The following GALNT13 variants were observed in gnomAD, a reference collection of about 807,000 sequenced individuals.
GALNT13 encodes the protein polypeptide N-acetylgalactosaminyltransferase 13.
GALNT13 carries 28 observed loss-of-function variants against 64.2 expected under a neutral mutation model. The ratio of observed to expected loss-of-function variants is 0.44; its 90% CI spans 0.32 to 0.60. The LOEUF (loss-of-function observed/expected upper bound fraction) is 0.60, where lower values mean the gene tolerates loss of function less well. Ranked by LOEUF, GALNT13 falls within the 20% of genes least tolerant of loss-of-function variation. The probability of loss-of-function intolerance (pLI) is 0.05; values close to 1 mark genes in which losing one functional copy is unlikely to be tolerated. For synonymous variants in GALNT13, 214 were observed against 224.6 expected (o/e 0.95, Z 0.42); for missense variants, 577 against 669.8 (o/e 0.86, Z 1.53).
At chr2:153,152,006 T>C in the GALNT13 span, among the ~76,000 whole-genome samples, 3 of 151,894 alleles carry the variant, frequency 2.0e-5, no homozygotes, top group Non-Finnish European at 4.4e-5. Context: ...ACCTATAAAA[T>C]GTTGGCCAAC....
chr2:153,664,644 T>A, the GALNT13 span, among the ~76,000 whole-genome samples: 11 of 152,322 alleles, frequency 7.2e-5, no homozygotes, highest in South Asian at 2.3e-3. Flanking sequence ...ATCTTCATAA[T>A]TTATGTTCAG....
chr2:153,818,247 C>T, the GALNT13 span, among the ~76,000 whole-genome samples: 1 of 152,176 alleles, frequency 6.6e-6, no homozygotes. Flanking sequence ...AAGAAAGCCA[C>T]CTGGAGTCTT....
the GALNT13 span, among the ~76,000 whole-genome samples, chr2:153,854,997 G>T: frequency 2.6e-5 from 4 of 152,000 alleles, no homozygotes; most frequent in African/African-American, 9.7e-5. Context: ...ATGAGCCAAC[G>T]TGTATATAAA....
chr2:153,377,412 C>A, the GALNT13 span, among the ~76,000 whole-genome samples: 2 of 152,146 alleles, frequency 1.3e-5, no homozygotes, highest in South Asian at 4.1e-4. Context: ...GGGGTGGGGC[C>A]TAGCAAGAGG....
At chr2:153,266,902 C>T in the GALNT13 span, among the ~76,000 whole-genome samples, 1 of 152,170 alleles carries the variant, frequency 6.6e-6, no homozygotes, top group African/African-American at 2.4e-5. Context: ...AGTCCAAGTC[C>T]AAAGTCTCAT....
chr2:154,386,791 C>T (rs1424265819), intron 9 of GALNT13, among the ~76,000 whole-genome samples: 1 of 151,942 alleles, frequency 6.6e-6, no homozygotes, highest in East Asian at 1.9e-4. Context: ...TTTCTTATTT[C>T]CCATATTCTC....
intron 8 of GALNT13, among the ~76,000 whole-genome samples, chr2:154,279,492 T>A (rs901653308): frequency 3.3e-5 from 5 of 152,162 alleles, no homozygotes; most frequent in African/African-American, 1.2e-4. Flanking sequence ...TATATGGAGC[T>A]TGATAACAGG....
At chr2:153,622,799 T>C in the GALNT13 span, among the ~76,000 whole-genome samples, 1 of 152,138 alleles carries the variant, frequency 6.6e-6, no homozygotes, top group South Asian at 2.1e-4. Context: ...CTGGTAACTA[T>C]GTTTTGCTTT....
intron 3 of GALNT13, among the ~76,000 whole-genome samples, chr2:153,966,573 T>C (rs1446299126): frequency 6.6e-6 from 1 of 152,048 alleles, no homozygotes; most frequent in Non-Finnish European, 1.5e-5. Context: ...TCTCACCGTG[T>C]TACCCAGGAT....
At chr2:153,530,649 A>G in the GALNT13 span, among the ~76,000 whole-genome samples, 9 of 152,152 alleles carry the variant, frequency 5.9e-5, no homozygotes, top group Non-Finnish European at 1.3e-4. Context: ...ACCAAACAGC[A>G]TGGTACTGGC....
chr2:153,272,257 C>A, the GALNT13 span, among the ~76,000 whole-genome samples: 1 of 152,094 alleles, frequency 6.6e-6, no homozygotes, highest in Admixed American at 6.5e-5. Context: ...CCAAAATAGA[C>A]AAATGGGATC....
intron 3 of GALNT13, among the ~76,000 whole-genome samples, chr2:154,089,812 C>CA (rs747595555): frequency 7.1e-6 from 1 of 140,992 alleles, no homozygotes; most frequent in Non-Finnish European, 1.5e-5. Context: ...AGATATTACC[C>CA]TTTTTTTTTT....
chr2:153,304,831 G>A, the GALNT13 span, among the ~76,000 whole-genome samples: 1 of 152,072 alleles, frequency 6.6e-6, no homozygotes, highest in African/African-American at 2.4e-5. Flanking sequence ...CTCATAAAAA[G>A]AAATGATTCT....
the GALNT13 span, among the ~76,000 whole-genome samples, chr2:153,090,122 A>T: frequency 2.0e-5 from 3 of 151,982 alleles, no homozygotes; most frequent in Non-Finnish European, 4.4e-5. Flanking sequence ...CCTGCTGTTG[A>T]TTTCTCTGCT....
At chr2:153,852,075 A>T in the GALNT13 span, among the ~76,000 whole-genome samples, 2 of 152,194 alleles carry the variant, frequency 1.3e-5, no homozygotes, top group Non-Finnish European at 2.9e-5. Context: ...AATGAGAAAA[A>T]ATGGAGGCAT....
the GALNT13 span, among the ~76,000 whole-genome samples, chr2:153,307,383 C>T: frequency 5.7e-3 from 861 of 151,666 alleles, 6 homozygotes; most frequent in African/African-American, 0.019. Flanking sequence ...CATCATGTTA[C>T]GTAGGCTTTG....
chr2:154,027,927 A>G (rs1448722917), intron 3 of GALNT13, among the ~76,000 whole-genome samples: 1 of 152,174 alleles, frequency 6.6e-6, no homozygotes, highest in South Asian at 2.1e-4. Context: ...CACATCAAGA[A>G]TATTTTTAAA....
At chr2:153,193,519 T>C in the GALNT13 span, among the ~76,000 whole-genome samples, 11 of 151,576 alleles carry the variant, frequency 7.3e-5, no homozygotes, top group South Asian at 4.2e-4. Flanking sequence ...GTGGGTGCAG[T>C]GCACCAGCAC....
At chr2:154,403,799 C>T in intron 10 of GALNT13, among the ~76,000 whole-genome samples, 1 of 152,154 alleles carries the variant, frequency 6.6e-6, no homozygotes, top group East Asian at 1.9e-4. Flanking sequence ...ACTGAGTCCT[C>T]CCTTGCTCCT....
Sources: allele counts gnomAD v4.1 joint callset (sites outside exome capture counted in the v4.1 genomes callset), GRCh38; gene constraint gnomAD v4.1.1; transcripts MANE v1.5; gene names NCBI Gene and HGNC (gene_info 2026-07-23, HGNC 2026-07-21).